The following PHF21B variants were observed in gnomAD, a reference collection of about 807,000 sequenced individuals.
PHF21B encodes PHD finger protein 21B, also known as PHD finger protein 4.
Under a neutral mutation model 62.2 loss-of-function variants are expected in PHF21B, and 22 were observed. That is an observed-to-expected ratio of 0.35 (90% CI 0.25 to 0.51). The LOEUF (loss-of-function observed/expected upper bound fraction) is 0.51. PHF21B is among the 20% of genes least tolerant of loss of function. The pLI is 0.97. For missense variants in PHF21B, 701 were observed against 707.9 expected, an observed-to-expected ratio of 0.99 and a Z score of 0.11; for synonymous variants, 341 against 314.7, an observed-to-expected ratio of 1.08 and a Z score of -0.88.
chr22:44,930,950 C>T (rs903044147), intron 2 of PHF21B, among the ~76,000 whole-genome samples: 2 of 152,234 alleles, frequency 1.3e-5, no homozygotes, highest in African/African-American at 4.8e-5. Flanking sequence ...AGCCCCGATA[C>T]CCAGCAGCTC....
At chr22:44,992,018 T>C (rs1697728279) in intron 2 of PHF21B, among the ~76,000 whole-genome samples, 1 of 152,236 alleles carries the variant, frequency 6.6e-6, no homozygotes, top group Non-Finnish European at 1.5e-5. Context: ...GGGAGCGCAC[T>C]TGGTCGGGTC....
At chr22:44,985,438 T>C (rs1411240339) in intron 2 of PHF21B, among the ~76,000 whole-genome samples, 1 of 151,304 alleles carries the variant, frequency 6.6e-6, no homozygotes, top group Non-Finnish European at 1.5e-5. Context: ...AGACCCTGTC[T>C]CTAACAAAAA....
rs115264708 is a variant in PHF21B at position 44,891,338 on chromosome 22, T to C, written c.983A>G (p.Tyr328Cys). The C allele has an allele frequency of 5.1e-4, 827 of 1,613,896 alleles. 7 individuals carry two copies. In the African/African-American group the frequency reaches 9.2e-3, roughly 18 times the overall value. Residue 328 changes from tyrosine to cysteine, a missense_variant, in exon 8 of 13, where the codon TAT becomes TGT. By Grantham distance (194) the Tyr-to-Cys change is radical. Transcript: ENST00000313237. Reference sequence around the variant, plus strand: ...TGTGAGGAACAGGGGGTTGTTGAGATAGTTGGAGGCCAGCCGTTTCCTCTG... The same window carrying C: ...TGTGAGGAACAGGGGGTTGTTGAGACAGTTGGAGGCCAGCCGTTTCCTCTG... ...ETERKRLASN[Y>C]LNNPLFLTAR...
At chr22:44,943,202 GA>G (rs2071995907) in intron 2 of PHF21B, among the ~76,000 whole-genome samples, 1 of 152,118 alleles carries the variant, frequency 6.6e-6, no homozygotes, top group East Asian at 1.9e-4. Context: ...CAAGCCTGGA[GA>G]AAAGAGCTGC....
At chr22:44,975,440 G>C (rs776392698) in intron 2 of PHF21B, among the ~76,000 whole-genome samples, 4 of 152,124 alleles carry the variant, frequency 2.6e-5, no homozygotes, top group African/African-American at 9.7e-5. Flanking sequence ...TGGAGAGCAG[G>C]CGTCCCTCTA....
At chr22:44,928,388 C>G (rs963807815) in intron 2 of PHF21B, among the ~76,000 whole-genome samples, 1 of 152,162 alleles carries the variant, frequency 6.6e-6, no homozygotes, top group Non-Finnish European at 1.5e-5. Context: ...TTAGAACAGC[C>G]CCACAGCACC....
At chr22:45,008,389 A>G in intron 2 of PHF21B, 156 bp downstream of exon 2, 1 of 621,790 alleles carries the variant, frequency 1.6e-6, no homozygotes. Context: ...CTTTCTTTCC[A>G]GGAAAGGGGA....
At chr22:44,900,241 T>C (rs1243796710) in intron 5 of PHF21B, among the ~76,000 whole-genome samples, 4 of 152,196 alleles carry the variant, frequency 2.6e-5, no homozygotes, top group Non-Finnish European at 5.9e-5. Context: ...AGTTTCCCCA[T>C]GTCTCTTGGT....
chr22:44,914,722 G>T (rs897763426), intron 4 of PHF21B, among the ~76,000 whole-genome samples: 1 of 152,178 alleles, frequency 6.6e-6, no homozygotes, highest in African/African-American at 2.4e-5. Flanking sequence ...AAGGGGAAGG[G>T]GGTCTTCAGA....
chr22:44,932,025 C>A (rs758215513), intron 2 of PHF21B, among the ~76,000 whole-genome samples: 3 of 152,172 alleles, frequency 2.0e-5, no homozygotes, highest in Non-Finnish European at 4.4e-5. Context: ...AGGCAGGGCA[C>A]AGGGAAAGAC....
At chr22:44,995,399 G>A (rs1386547505) in intron 2 of PHF21B, among the ~76,000 whole-genome samples, 1 of 152,168 alleles carries the variant, frequency 6.6e-6, no homozygotes, top group Non-Finnish European at 1.5e-5. Flanking sequence ...AGTGGCTGGG[G>A]CTGGAGTGTG....
chr22:45,009,603 T>A lies in PHF21B; in HGVS notation c.-54A>T. 6.7e-7 allele frequency: 1 copy of A among 1,503,470 alleles called. No individual in the cohort carries two copies. The highest frequency in any genetic ancestry group is 1.4e-5 in the African/African-American group (1 of 69,644). 93.1% of individuals were successfully genotyped at this position (1,503,470 alleles called of 1,614,324 possible). A position where few individuals can be genotyped will look rare whatever the true frequency, so the allele number is the denominator to read the frequency against. ...CACTTTGGCCCGGGCTCCCGGGAAG[T>A]TGCGCGGCTCCGCGGGGGCCAGAGC... On this transcript the variant is annotated 5_prime_UTR_variant, in exon 1 of 13. Coordinates refer to ENST00000313237, the MANE Select transcript of PHF21B (RefSeq NM_138415.5). The surrounding 1 kb of genome is among the most constrained non-coding windows in gnomAD (Gnocchi z 5.9).
chr22:44,902,218 G>T, intron 5 of PHF21B: 1 of 196,646 alleles, frequency 5.1e-6, no homozygotes, highest in South Asian at 9.4e-5. Context: ...TCAAGCAGCA[G>T]CAGCTGCAGA....
intron 5 of PHF21B, among the ~76,000 whole-genome samples, chr22:44,908,775 A>AG (rs1457288447): frequency 1.3e-5 from 2 of 152,070 alleles, no homozygotes; most frequent in Non-Finnish European, 2.9e-5. Context: ...TGTGCAGCAC[A>AG]GCTCTTCTTG....
At chr22:44,960,779 C>A (rs1031629352) in intron 2 of PHF21B, among the ~76,000 whole-genome samples, 1 of 152,156 alleles carries the variant, frequency 6.6e-6, no homozygotes, top group Non-Finnish European at 1.5e-5. Context: ...TCTGCCTGCA[C>A]TCAGCCTGGA....
intron 1 of PHF21B, chr22:45,008,977 G>C: frequency 4.6e-6 from 5 of 1,086,610 alleles, no homozygotes; most frequent in Non-Finnish European, 5.6e-6. Flanking sequence ...AGTCCGTGTC[G>C]AGCAAAGCTC....
At chr22:45,006,088 G>A (rs2073308897) in intron 2 of PHF21B, among the ~76,000 whole-genome samples, 1 of 152,134 alleles carries the variant, frequency 6.6e-6, no homozygotes, top group Admixed American at 6.5e-5. Flanking sequence ...CATTTCATAG[G>A]TGACCTCTGA....
intron 2 of PHF21B, among the ~76,000 whole-genome samples, chr22:44,946,399 C>T (rs1486530928): frequency 6.6e-6 from 1 of 152,124 alleles, no homozygotes; most frequent in African/African-American, 2.4e-5. Flanking sequence ...TCTCTCAGAG[C>T]GTAGGGAGTA....
At chr22:44,920,555 A>G in intron 2 of PHF21B, 65 bp from the exon 3 acceptor site, 1 of 1,248,726 alleles carries the variant, frequency 8.0e-7, no homozygotes, top group Non-Finnish European at 1.1e-6. Flanking sequence ...CGTTGCCCCC[A>G]GCCTGGCCAA....
Sources: gnomAD v4.1 joint callset for allele counts (sites outside exome capture counted in the v4.1 genomes callset) on GRCh38, gnomAD v4.1.1 for gene constraint, Gnocchi (gnomAD v3.1) non-coding constraint, MANE v1.5 for transcripts, NCBI Gene and HGNC (gene_info 2026-07-23, HGNC 2026-07-21) for gene names.